The following SLC23A2 variants were observed in gnomAD, a reference collection of about 807,000 sequenced individuals.
SLC23A2 encodes the protein solute carrier family 23 member 2.
SLC23A2 carries 36 observed loss-of-function variants against 73.3 expected under a neutral mutation model. The observed-to-expected ratio is 0.49, with a 90% CI of 0.38 to 0.65. The LOEUF (loss-of-function observed/expected upper bound fraction) is 0.65, where lower values mean the gene tolerates loss of function less well. Among genes scored for constraint, SLC23A2 ranks in the 30% least tolerant of loss-of-function variants. The pLI is 0.00. For missense variants in SLC23A2, 507 were observed against 841.6 expected, an observed-to-expected ratio of 0.60 and a Z score of 4.92; for synonymous variants, 343 against 327.3, an observed-to-expected ratio of 1.05 and a Z score of -0.52.
At chr20:4,935,431 C>T (rs534916311) in intron 2 of SLC23A2, among the ~76,000 whole-genome samples, 57 of 152,138 alleles carry the variant, frequency 3.7e-4, no homozygotes, top group Non-Finnish European at 6.9e-4. Context: ...CACAACTCTG[C>T]TGTTTAATAA....
At chr20:5,004,723 G>C (rs2088171195), upstream of SLC23A2, among the ~76,000 whole-genome samples, 1 of 152,150 alleles carries the variant, frequency 6.6e-6, no homozygotes, top group Non-Finnish European at 1.5e-5. Context: ...GTTTAGGCCG[G>C]GTGCGGTGGC....
At chr20:5,004,613 A>G (rs757283994), upstream of SLC23A2, among the ~76,000 whole-genome samples, 4 of 152,210 alleles carry the variant, frequency 2.6e-5, no homozygotes, top group South Asian at 2.1e-4. Flanking sequence ...TGGGAGACCA[A>G]GGCAGGAGGA....
At chr20:4,951,810 A>AAGAAC (rs1346563490) in intron 2 of SLC23A2, among the ~76,000 whole-genome samples, 1 of 152,202 alleles carries the variant, frequency 6.6e-6, no homozygotes, top group Non-Finnish European at 1.5e-5. Flanking sequence ...CTTTTTCAAA[A>AAGAAC]AGAACAAATG....
chr20:4,906,268 G>C (rs1931950115), intron 4 of SLC23A2, among the ~76,000 whole-genome samples: 1 of 152,334 alleles, frequency 6.6e-6, no homozygotes, highest in Non-Finnish European at 1.5e-5. Flanking sequence ...GAGCCTGAGA[G>C]GTTGCGGCTG....
chr20:4,887,929 G>A (rs1931170333), intron 6 of SLC23A2, among the ~76,000 whole-genome samples: 1 of 152,186 alleles, frequency 6.6e-6, no homozygotes, highest in African/African-American at 2.4e-5. Context: ...AATTAACAAA[G>A]CCAATTTTCC....
At position 4,863,490 on chromosome 20, in the gene SLC23A2, C is replaced by T. The variant is rs767771883; in HGVS notation, c.1357-583G>A. On this transcript the variant is annotated intron_variant, in intron 13 of 16. Transcript: ENST00000338244. The surrounding 1 kb of genome is among the most constrained non-coding windows in gnomAD (Gnocchi z 4.8). ...CTTCATCTCAGTCACACACAAGCCT[C>T]GTGGTTTTGTTTTGAGGATTAAACG... 6.6e-6 allele frequency among the ~76,000 whole-genome samples: 1 copy of T among 152,194 alleles called. No individual in the cohort carries two copies. Among genetic ancestry groups the T allele is most frequent in the African/African-American group, 2.4e-5 (1 of 41,452 alleles).
At chr20:4,859,193 T>C (rs1253136553) in intron 16 of SLC23A2, 96 bp downstream of exon 16, 2 of 768,608 alleles carry the variant, frequency 2.6e-6, no homozygotes, top group Admixed American at 4.1e-5. Context: ...TTGAACTCAT[T>C]TACTCTTCCC....
chr20:4,942,953 C>T (rs1449725213), intron 2 of SLC23A2, among the ~76,000 whole-genome samples: 2 of 151,960 alleles, frequency 1.3e-5, no homozygotes, highest in African/African-American at 2.4e-5. Context: ...AGGCTGGGCA[C>T]AGTGACTCCC....
chr20:4,862,023 G>A lies in SLC23A2; in HGVS notation c.1549C>T (p.Leu517Phe). Residue 517 changes from leucine (L) to phenylalanine (F), a missense_variant, in exon 15 of 17, where the codon CTC becomes TTC. Transcript: ENST00000338244. The surrounding 1 kb of genome is among the most constrained non-coding windows in gnomAD (Gnocchi z 5.1). ...QFIDLNSSRN[L>F]FVLGFSIFFG... Reference sequence around the variant, plus strand: ...AAGATCGAAAATCCAAGCACAAAGAGGTTCCGGGAAGAATTTAAATCAATG... The same window carrying A: ...AAGATCGAAAATCCAAGCACAAAGAAGTTCCGGGAAGAATTTAAATCAATG... The A allele has an allele frequency of 6.2e-7, 1 of 1,614,086 alleles. No homozygotes were observed. Among genetic ancestry groups the A allele is most frequent in the Non-Finnish European group, 8.5e-7 (1 of 1,179,932 alleles).
At chr20:4,990,061 G>A (rs192850618) in intron 1 of SLC23A2, among the ~76,000 whole-genome samples, 3 of 152,164 alleles carry the variant, frequency 2.0e-5, no homozygotes, top group Non-Finnish European at 4.4e-5. Flanking sequence ...CAAACTTAAG[G>A]TCACATCTTC....
rs1478423243 is a variant in SLC23A2 at position 4,853,539 on chromosome 20, T to A, written c.*3433A>T. 6.5e-6 allele frequency: 1 copy of A among 152,680 alleles called. No individual in the cohort carries two copies. Among genetic ancestry groups the A allele is most frequent in the African/African-American group, 2.4e-5 (1 of 41,462 alleles). The allele number at this position is 152,680 out of a possible 1,614,324, so 9.5% of individuals were successfully genotyped here. A position where few individuals can be genotyped will look rare whatever the true frequency, so the allele number is the denominator to read the frequency against. On this transcript the variant is annotated 3_prime_UTR_variant, in exon 17 of 17. Transcript: ENST00000338244. ...TAGAGATTCATCAATGGAGAAATTCTATCATCACATGACATTGTCATGAAA... is the reference window on the plus strand; with the variant it reads ...TAGAGATTCATCAATGGAGAAATTCAATCATCACATGACATTGTCATGAAA...
At chr20:4,877,600 G>C (rs377177260) in intron 9 of SLC23A2, among the ~76,000 whole-genome samples, 3 of 151,982 alleles carry the variant, frequency 2.0e-5, no homozygotes, top group African/African-American at 7.2e-5. Flanking sequence ...GAGTAGGAGG[G>C]GACTATTATT....
At chr20:4,885,471 G>A (rs1033820532) in intron 7 of SLC23A2, among the ~76,000 whole-genome samples, 4 of 152,202 alleles carry the variant, frequency 2.6e-5, no homozygotes, top group African/African-American at 9.6e-5. Context: ...GGATGCTGAC[G>A]CAGCAAAGAG....
At chr20:4,861,147 A>G (rs1929950735) in intron 15 of SLC23A2, among the ~76,000 whole-genome samples, 1 of 152,212 alleles carries the variant, frequency 6.6e-6, no homozygotes. Flanking sequence ...TTATGACTCT[A>G]TTTATACCTA....
At chr20:4,995,806 C>T (rs949499773) in intron 1 of SLC23A2, among the ~76,000 whole-genome samples, 6 of 152,144 alleles carry the variant, frequency 3.9e-5, no homozygotes, top group African/African-American at 9.7e-5. Flanking sequence ...GGATGAAAAG[C>T]GTTAATACCC....
intron 9 of SLC23A2, among the ~76,000 whole-genome samples, chr20:4,878,113 C>G (rs1176471444): frequency 6.6e-6 from 1 of 152,250 alleles, no homozygotes; most frequent in African/African-American, 2.4e-5. Flanking sequence ...GGGATTCTCT[C>G]ACTTTTAAAT....
At chr20:4,888,239 C>T (rs1016181070) in intron 6 of SLC23A2, among the ~76,000 whole-genome samples, 8 of 152,224 alleles carry the variant, frequency 5.3e-5, no homozygotes, top group Non-Finnish European at 1.2e-4. Context: ...TAAAGTTGTA[C>T]TGGAACAAAG....
chr20:4,873,540 G>C (rs1930533792), intron 11 of SLC23A2, among the ~76,000 whole-genome samples: 1 of 152,182 alleles, frequency 6.6e-6, no homozygotes, highest in Non-Finnish European at 1.5e-5. Context: ...GCTTGAGCAG[G>C]TTGCTTGCTA....
At position 4,863,470 on chromosome 20, in the gene SLC23A2, T is replaced by C. The variant is rs1419705789; in HGVS notation, c.1357-563A>G. Among the ~76,000 whole-genome samples, 1 of 152,222 alleles carries C rather than the reference T, an allele frequency of 6.6e-6. No homozygotes were observed. The highest frequency in any genetic ancestry group is 1.5e-5 in the Non-Finnish European group (1 of 68,042). The stretch of plus-strand genomic sequence containing the variant: ...AGCCTCTAGAGTCTCAGGATCTTCA[T>C]CTCAGTCACACACAAGCCTCGTGGT... On this transcript the variant is annotated intron_variant, in intron 13 of 16. Coordinates refer to ENST00000338244, the MANE Select transcript of SLC23A2 (RefSeq NM_005116.6). The surrounding 1 kb of genome is among the most constrained non-coding windows in gnomAD (Gnocchi z 4.8).
Sources: gnomAD v4.1 joint callset for allele counts (sites outside exome capture counted in the v4.1 genomes callset) on GRCh38, gnomAD v4.1.1 for gene constraint, Gnocchi (gnomAD v3.1) non-coding constraint, MANE v1.5 for transcripts, NCBI Gene and HGNC (gene_info 2026-07-23, HGNC 2026-07-21) for gene names.